Variants in DLG2 observed in about 807,000 individuals in gnomAD.
The protein encoded by DLG2 is discs large MAGUK scaffold protein 2, also known as disks large homolog 2.
A neutral mutation model predicts 132.5 loss-of-function variants in DLG2; 45 were observed. The ratio of observed to expected loss-of-function variants is 0.34; its 90% confidence interval spans 0.27 to 0.44. The LOEUF is 0.44. Ranked by LOEUF, DLG2 falls within the 20% of genes least tolerant of loss-of-function variation. The probability of loss-of-function intolerance (pLI) is 1.00; values close to 1 mark genes in which losing one functional copy is unlikely to be tolerated. For synonymous variants in DLG2, 424 were observed against 419.6 expected, an observed-to-expected ratio of 1.01 and a Z score of -0.13; for missense variants, 1,045 against 1,196.9, an observed-to-expected ratio of 0.87 and a Z score of 1.87.
At chr11:85,460,180 C>A (rs546881155) in intron 3 of DLG2, among the ~76,000 whole-genome samples, 1 of 152,204 alleles carries the variant, frequency 6.6e-6, no homozygotes, top group Non-Finnish European at 1.5e-5. Context: ...CTGCTCAGCC[C>A]TCTGGATTCA....
chr11:84,972,899 C>A (rs1490585949), intron 6 of DLG2, among the ~76,000 whole-genome samples: 3 of 151,844 alleles, frequency 2.0e-5, no homozygotes, highest in Non-Finnish European at 4.4e-5. Flanking sequence ...GTCCCACTGT[C>A]CATTGTATTC....
intron 8 of DLG2, among the ~76,000 whole-genome samples, chr11:84,236,823 T>C (rs1163035220): frequency 1.3e-5 from 2 of 152,190 alleles, no homozygotes; most frequent in South Asian, 2.1e-4. Context: ...GTTATTTAGT[T>C]ATTTATCACT....
Position 84,303,193 on chromosome 11 carries a change from T to C in DLG2, c.520-51902A>G, listed in dbSNP as rs146689954. On this transcript the variant is annotated intron_variant, in intron 7 of 27. Transcript: ENST00000376104. ...TAATTAAGTATGATAACAGGTATTA[T>C]AGAGATTGAGTAAAATAGATTAGAG... is the stretch of plus-strand genomic sequence containing the variant. Among the ~76,000 whole-genome samples the C allele has an allele frequency of 1.1e-3, 162 of 152,268 alleles. 1 individual carries two copies. The highest frequency in any genetic ancestry group is 0.01 in the Middle Eastern group (3 of 294).
At position 84,651,385 on chromosome 11, in the gene DLG2, T is replaced by C. The variant is rs115562296; in HGVS notation, c.358-116654A>G. ...TAGTATTTTTGTACTTTTGGACCAATTAATTATGTTAATGGGGGAGAACTC... is the reference window on the plus strand; with the variant it reads ...TAGTATTTTTGTACTTTTGGACCAACTAATTATGTTAATGGGGGAGAACTC... On this transcript the variant is annotated intron_variant, in intron 6 of 27. Coordinates refer to ENST00000376104, the MANE Select transcript of DLG2 (RefSeq NM_001142699.3). Among the ~76,000 whole-genome samples, 800 of 152,288 alleles carry C rather than the reference T, an allele frequency of 5.3e-3. 8 individuals are homozygous for C. The highest frequency in any genetic ancestry group is 0.018 in the African/African-American group (748 of 41,548).
intron 6 of DLG2, among the ~76,000 whole-genome samples, chr11:84,781,370 A>G (rs1265773731): frequency 6.6e-6 from 1 of 151,662 alleles, no homozygotes; most frequent in African/African-American, 2.4e-5. Context: ...GGGTTTTCTG[A>G]TTGCTTTTTG....
chr11:84,689,508 T>C (rs1595808148), intron 6 of DLG2, among the ~76,000 whole-genome samples: 1 of 152,096 alleles, frequency 6.6e-6, no homozygotes, highest in South Asian at 2.1e-4. Flanking sequence ...GTGTGAAAGA[T>C]AAGAATGAAT....
At chr11:85,226,289 T>C (rs2152627851) in intron 4 of DLG2, among the ~76,000 whole-genome samples, 1 of 152,108 alleles carries the variant, frequency 6.6e-6, no homozygotes, top group Non-Finnish European at 1.5e-5. Context: ...CATAGATGGA[T>C]GCATGGATGG....
chr11:83,862,982 T>G (rs2061690851), intron 16 of DLG2, among the ~76,000 whole-genome samples: 1 of 152,096 alleles, frequency 6.6e-6, no homozygotes, highest in Non-Finnish European at 1.5e-5. Flanking sequence ...GAGAGAAACT[T>G]TTCAACATGG....
Position 83,501,264 on chromosome 11 carries a change from C to A in DLG2, c.2194-17036G>T, listed in dbSNP as rs1176713767. 2.0e-5 allele frequency among the ~76,000 whole-genome samples: 3 copies of A among 149,276 alleles called. No individual in the cohort carries two copies. In the Admixed American group the frequency reaches 2.0e-4, roughly 10 times the overall value. Reference sequence around the variant, plus strand: ...GTTCTTGTCAATGCCTAGAGAGCTACCTAATCCCTCACAATATGGCTGTCA... The same window carrying A: ...GTTCTTGTCAATGCCTAGAGAGCTAACTAATCCCTCACAATATGGCTGTCA... On this transcript the variant is annotated intron_variant, in intron 21 of 27. Coordinates refer to ENST00000376104, the MANE Select transcript of DLG2 (RefSeq NM_001142699.3).
rs2076562114 is a variant in DLG2 at position 85,142,523 on chromosome 11, A to T, written c.282+12033T>A. 2.0e-5 allele frequency among the ~76,000 whole-genome samples: 3 copies of T among 151,884 alleles called. No individual in the cohort carries two copies. In the South Asian group the frequency reaches 6.2e-4, roughly 31 times the overall value. On this transcript the variant is annotated intron_variant, in intron 5 of 27. Transcript: ENST00000376104. ...ATCAGCTATGAACAAGAATAATTTG[A>T]CTTCTTTCATTCCAATTTGGATGCC...
At position 83,633,316 on chromosome 11, in the gene DLG2, C is replaced by A. The variant is rs373846277; in HGVS notation, c.1835G>T (p.Arg612Leu). 1 of 1,613,296 alleles carries A rather than the reference C, an allele frequency of 6.2e-7. No individual in the cohort carries two copies. Among genetic ancestry groups the A allele is most frequent in the South Asian group, 1.1e-5 (1 of 91,030 alleles). ...TAGGTCATGGATTTTGGCCTCAAAT[C>A]GAGCGTAATCTGGGAATGAAAACAA... ...IAQYQPEDYA[R>L]FEAKIHDLRE... The change falls in exon 19 of 28, where the codon CGA becomes CTA. Residue 612 changes from arginine to leucine, a missense_variant. Transcript: ENST00000376104.
intron 8 of DLG2, among the ~76,000 whole-genome samples, chr11:84,240,511 A>G (rs1014016328): frequency 6.6e-6 from 1 of 152,074 alleles, no homozygotes; most frequent in Non-Finnish European, 1.5e-5. Flanking sequence ...AAGAGCCCAG[A>G]CTCCATTCTC....
intron 8 of DLG2, among the ~76,000 whole-genome samples, chr11:84,239,919 C>T (rs1001730575): frequency 2.0e-5 from 3 of 152,164 alleles, no homozygotes; most frequent in Admixed American, 1.3e-4. Flanking sequence ...TGGTAGAAAC[C>T]GCTGCTTCTC....
intron 6 of DLG2, among the ~76,000 whole-genome samples, chr11:84,870,829 T>G (rs1366269793): frequency 6.6e-6 from 1 of 152,230 alleles, no homozygotes; most frequent in East Asian, 1.9e-4. Context: ...GGGGAAGACA[T>G]GCCCATGACA....
At chr11:83,612,712 C>A (rs1162810072) in intron 19 of DLG2, among the ~76,000 whole-genome samples, 1 of 152,034 alleles carries the variant, frequency 6.6e-6, no homozygotes, top group Non-Finnish European at 1.5e-5. Context: ...TGAATGGAGT[C>A]TTGAAAAACC....
chr11:83,482,393 C>G (rs1251652786), intron 22 of DLG2, among the ~76,000 whole-genome samples: 1 of 152,048 alleles, frequency 6.6e-6, no homozygotes, highest in African/African-American at 2.4e-5. Flanking sequence ...ACTCTGTTCT[C>G]ATTTCATTGG....
intron 6 of DLG2, among the ~76,000 whole-genome samples, chr11:84,610,355 A>G (rs1353215320): frequency 6.6e-6 from 1 of 151,882 alleles, no homozygotes; most frequent in Admixed American, 6.6e-5. Flanking sequence ...TTTTTGCAAG[A>G]TTTTTTTTGC....
At chr11:85,326,454 T>C (rs1369259770) in intron 3 of DLG2, among the ~76,000 whole-genome samples, 3 of 112,696 alleles carry the variant, frequency 2.7e-5, no homozygotes, top group African/African-American at 1.0e-4. Context: ...CAGAAGAGAG[T>C]GGGGGCCAAT....
intron 6 of DLG2, among the ~76,000 whole-genome samples, chr11:84,629,331 C>T (rs190047150): frequency 1.3e-4 from 20 of 152,226 alleles, no homozygotes; most frequent in Admixed American, 3.9e-4. Flanking sequence ...AAAAATACTC[C>T]CCTTTGTTCC....
Sources: gnomAD v4.1 joint callset for allele counts (sites outside exome capture counted in the v4.1 genomes callset) on GRCh38, gnomAD v4.1.1 for gene constraint, MANE v1.5 for transcripts, NCBI Gene and HGNC (gene_info 2026-07-23, HGNC 2026-07-21) for gene names.